The following SBK2 variants were observed in gnomAD, a reference collection of about 807,000 sequenced individuals.
SBK2 encodes the protein serine/threonine-protein kinase SBK2.
SBK2 carries 18 observed loss-of-function variants against 15.9 expected under a neutral mutation model. The ratio of observed to expected loss-of-function variants is 1.13; its 90% CI spans 0.78 to 1.68. The LOEUF is 1.68. SBK2 is among the 40% of genes most tolerant of loss of function. The pLI is 0.00. For synonymous variants in SBK2, 284 were observed against 246.8 expected (o/e 1.15, Z -1.41); for missense variants, 581 against 510.9 (o/e 1.14, Z -1.32).
chr19:55,533,734 C>T (rs1020240519), intron 2 of SBK2, among the ~76,000 whole-genome samples: 1 of 150,444 alleles, frequency 6.6e-6, no homozygotes, highest in Non-Finnish European at 1.5e-5. Context: ...CACCAGCCAT[C>T]CCCGCCCACT....
At chr19:55,532,103 A>G (rs1988282991) in intron 2 of SBK2, among the ~76,000 whole-genome samples, 1 of 152,138 alleles carries the variant, frequency 6.6e-6, no homozygotes, top group African/African-American at 2.4e-5. Context: ...GATACCATGA[A>G]ATTTCTCCAA....
At chr19:55,536,822 C>G (rs1374758036) in intron 1 of SBK2, among the ~76,000 whole-genome samples, 1 of 137,572 alleles carries the variant, frequency 7.3e-6, no homozygotes, top group Non-Finnish European at 1.6e-5. Context: ...GCCCAGGGGT[C>G]CAGGCCCCCA....
At chr19:55,532,598 G>GC (rs1278164194) in intron 2 of SBK2, among the ~76,000 whole-genome samples, 1 of 91,574 alleles carries the variant, frequency 1.1e-5, no homozygotes, top group African/African-American at 4.3e-5. Flanking sequence ...CACTACACCC[G>GC]CCCTTTTTTT....
chr19:55,536,268 C>A lies in SBK2; in HGVS notation c.27G>T (p.Gly9=). 1 of 1,593,812 alleles carries A rather than the reference C, an allele frequency of 6.3e-7. No individual in the cohort carries two copies. Among genetic ancestry groups the A allele is most frequent in the Admixed American group, 1.7e-5 (1 of 57,494 alleles). ...CCTCCGAAGCCCCTGCCTCCGCCGG[C>A]CCTTCCTCAGACTGTTTGCCGGGCA... MPGKQSEE[G]PAEAGASEDS... is the part of the protein sequence containing the mutation. The change falls in exon 2 of 4, where the codon GGG becomes GGT. Residue 9 remains glycine (G), a synonymous_variant. Transcript: ENST00000413299.
At position 55,529,997 on chromosome 19, in the gene SBK2, G is replaced by T. The variant is rs890621985; in HGVS notation, c.783C>A (p.Phe261Leu). ...CCTCGGCCAGGGGCCGGTCCCAGGG[G>T]AAGTAGCCCGTGAGGAGGCAGAAGA... ...VLLFCLLTGY[F>L]PWDRPLAEAD... Residue 261 changes from phenylalanine to leucine, a missense_variant, in exon 4 of 4, where the codon TTC (phenylalanine) becomes TTA (leucine). Physicochemically the swap from Phe to Leu is conservative, Grantham distance 22 (BLOSUM62 0). Coordinates refer to ENST00000413299, the MANE Select transcript of SBK2 (RefSeq NM_001370096.2). 1 of 1,523,956 alleles carries T rather than the reference G, an allele frequency of 6.6e-7. No homozygotes were observed. The highest frequency in any genetic ancestry group is 8.8e-7 in the Non-Finnish European group (1 of 1,137,856). The allele number at this position is 1,523,956 out of a possible 1,614,324, so 94.4% of individuals were successfully genotyped here.
intron 2 of SBK2, among the ~76,000 whole-genome samples, chr19:55,533,152 G>A (rs181522219): frequency 4.6e-5 from 7 of 151,900 alleles, no homozygotes; most frequent in South Asian, 2.1e-4. Flanking sequence ...CAAACATGGC[G>A]AAACCCCATC....
Position 55,529,828 on chromosome 19 carries a change from C to T in SBK2, c.952G>A (p.Val318Met), listed in dbSNP as rs777018113. ...CCCAGGTGCTCCCTGATGGCGATCA[C>T]AGCGCTCCTCCTTCGGGGGTGAGGG... ...LDPHPRRRSA[V>M]IAIREHLGRP... The change falls in exon 4 of 4, where the codon GTG becomes ATG. Residue 318 changes from valine (V) to methionine (M), a missense_variant. By Grantham distance (21) the Val-to-Met change is conservative (BLOSUM62 1). Transcript: ENST00000413299. 6.2e-7 allele frequency: 1 copy of T among 1,604,280 alleles called. No individual in the cohort carries two copies. Among genetic ancestry groups the T allele is most frequent in the South Asian group, 1.1e-5 (1 of 91,048 alleles).
At chr19:55,532,826 T>A in intron 2 of SBK2, among the ~76,000 whole-genome samples, 1 of 152,070 alleles carries the variant, frequency 6.6e-6, no homozygotes. Context: ...GGCTAAGTTT[T>A]TTAAAAAAAA....
Position 55,530,179 on chromosome 19 carries a change from G to T in SBK2, c.601C>A (p.Leu201Met). Residue 201 changes from leucine to methionine, a missense_variant, in exon 4 of 4, where the codon CTG becomes ATG. Transcript: ENST00000413299. ...GGCCTCGTGTGGCCGAAGTCGGTCAGCTTGAAGCGCCGGCAGGCCGGGTCG... is the reference window on the plus strand; with the variant it reads ...GGCCTCGTGTGGCCGAAGTCGGTCATCTTGAAGCGCCGGCAGGCCGGGTCG... ...VCDPACRRFK[L>M]TDFGHTRPRG... The T allele has an allele frequency of 6.5e-7, 1 of 1,531,208 alleles. No individual in the cohort carries two copies. The allele number at this position is 1,531,208 out of a possible 1,614,324, so 94.9% of individuals were successfully genotyped here.
At chr19:55,532,953 C>T (rs527445104) in intron 2 of SBK2, among the ~76,000 whole-genome samples, 19 of 152,272 alleles carry the variant, frequency 1.2e-4, no homozygotes, top group South Asian at 4.1e-4. Flanking sequence ...CCACCATGCC[C>T]GGCTTGGTTT....
At position 55,535,507 on chromosome 19, in the gene SBK2, T is replaced by C. The variant is rs368308993; in HGVS notation, c.253+535A>G. Reference sequence around the variant, plus strand: ...TCAGAGGATCCACCATTCTTCCAAGTAGAAATCATCACCCACATTTTCCAA... The same window carrying C: ...TCAGAGGATCCACCATTCTTCCAAGCAGAAATCATCACCCACATTTTCCAA... On this transcript the variant is annotated intron_variant, in intron 2 of 3. Coordinates refer to ENST00000413299, the MANE Select transcript of SBK2 (RefSeq NM_001370096.2). Among the ~76,000 whole-genome samples, 4 of 152,296 alleles carry C rather than the reference T, an allele frequency of 2.6e-5. No individual in the cohort carries two copies. In the East Asian group the frequency reaches 5.8e-4, roughly 22 times the overall value.
At chr19:55,531,747 G>T (rs1988274431) in intron 2 of SBK2, among the ~76,000 whole-genome samples, 1 of 152,222 alleles carries the variant, frequency 6.6e-6, no homozygotes, top group Admixed American at 6.5e-5. Context: ...GGAGACCGAG[G>T]CGGGTGGATT....
At chr19:55,535,351 T>TGCTTA (rs1224634198) in intron 2 of SBK2, among the ~76,000 whole-genome samples, 1 of 152,202 alleles carries the variant, frequency 6.6e-6, no homozygotes, top group East Asian at 1.9e-4. Context: ...CCTTGCTAAG[T>TGCTTA]GCTTAGCAGA....
rs775429918 is a variant in SBK2, at chr19:55,536,154, C to T, written c.141G>A (p.Thr47=). 35 of 1,601,776 alleles carry T rather than the reference C, an allele frequency of 2.2e-5. No homozygotes were observed. The highest frequency in any genetic ancestry group is 3.4e-5 in the Admixed American group (2 of 58,306). ...EAARALEDMM[T]LSAQTLVRAE... is the part of the protein sequence containing the mutation. ...CTCGGACCAGGGTCTGAGCACTCAG[C>T]GTCATCATGTCCTCCAGCGCGCGGG... is the stretch of plus-strand genomic sequence containing the variant. The change falls in exon 2 of 4, where the codon ACG becomes ACA. Residue 47 remains threonine (T), a synonymous_variant. Transcript: ENST00000413299.
intron 2 of SBK2, among the ~76,000 whole-genome samples, chr19:55,532,214 C>T (rs1988286113): frequency 6.6e-6 from 1 of 151,120 alleles, no homozygotes; most frequent in Admixed American, 6.6e-5. Flanking sequence ...GTAAGAAAGC[C>T]AATTAGGAAT....
At position 55,531,182 on chromosome 19, in the gene SBK2, G is replaced by C; in HGVS notation, c.417C>G (p.Pro139=). 1 of 1,612,982 alleles carries C rather than the reference G, an allele frequency of 6.2e-7. No individual in the cohort carries two copies. The highest frequency in any genetic ancestry group is 8.5e-7 in the Non-Finnish European group (1 of 1,179,954). Residue 139 remains proline (P), a synonymous_variant, in exon 3 of 4, where the codon CCC becomes CCG. Coordinates refer to ENST00000413299, the MANE Select transcript of SBK2 (RefSeq NM_001370096.2). ...SAHSYSFLTE[P]VLHGDLMAFI... is the part of the protein sequence containing the mutation. ...AGGCCATGAGGTCCCCGTGCAGGAC[G>C]GGCTCCGTCAGGAAGCTGTAGGAGT...
Position 55,536,206 on chromosome 19 carries a change from T to G in SBK2, c.89A>C (p.Glu30Ala), listed in dbSNP as rs1045471199. The G allele has an allele frequency of 1.2e-6, 2 of 1,607,624 alleles. No individual in the cohort carries two copies. Among genetic ancestry groups the G allele is most frequent in the Non-Finnish European group, 1.7e-6 (2 of 1,177,490 alleles). ...AGCCTCCTGGCCCTGCTGGAGCTCC[T>G]CTAATGTCAGGCCGCCCAGACCCTC... is the stretch of plus-strand genomic sequence containing the variant. ...EEEGLGGLTL[E>A]ELQQGQEAAR... The change falls in exon 2 of 4, where the codon GAG becomes GCG. Residue 30 changes from glutamate to alanine, a missense_variant. Physicochemically the swap from Glu to Ala is moderately radical, Grantham distance 107. Coordinates refer to ENST00000413299, the MANE Select transcript of SBK2 (RefSeq NM_001370096.2).
Position 55,529,807 on chromosome 19 carries a change from G to A in SBK2, c.973C>T (p.Leu325=), listed in dbSNP as rs75870827. 1.9e-6 allele frequency: 3 copies of A among 1,604,508 alleles called. No individual in the cohort carries two copies. Among genetic ancestry groups the A allele is most frequent in the African/African-American group, 1.3e-5 (1 of 74,998 alleles). Residue 325 remains leucine, a synonymous_variant, in exon 4 of 4, where the codon CTG becomes TTG. Coordinates refer to ENST00000413299, the MANE Select transcript of SBK2 (RefSeq NM_001370096.2). ...TCCCGCTGCCTCCAGGGGCGCCCCAGGTGCTCCCTGATGGCGATCACAGCG... is the reference window on the plus strand; with the variant it reads ...TCCCGCTGCCTCCAGGGGCGCCCCAAGTGCTCCCTGATGGCGATCACAGCG... The part of the protein sequence containing the change: ...RSAVIAIREH[L]GRPWRQREGE...
chr19:55,532,137 C>G (rs1988283778), intron 2 of SBK2, among the ~76,000 whole-genome samples: 1 of 152,086 alleles, frequency 6.6e-6, no homozygotes, highest in Admixed American at 6.6e-5. Context: ...CTTCTCATGA[C>G]AGCAAACTCG....
Sources: allele counts gnomAD v4.1 joint callset (sites outside exome capture counted in the v4.1 genomes callset), GRCh38; gene constraint gnomAD v4.1.1; transcripts MANE v1.5; gene names NCBI Gene and HGNC (gene_info 2026-07-23, HGNC 2026-07-21).